The following DLGAP2 variants were observed in gnomAD, a reference collection of about 807,000 sequenced individuals.
DLGAP2 encodes DLG associated protein 2.
A neutral mutation model predicts 100.3 loss-of-function variants in DLGAP2; 26 were observed. That is an observed-to-expected ratio of 0.26 (90% CI 0.19 to 0.36). The LOEUF is 0.36. DLGAP2 is among the 10% of genes least tolerant of loss of function. The pLI is 1.00. For missense variants in DLGAP2, 1,858 were observed against 1,453.2 expected, an observed-to-expected ratio of 1.28 and a Z score of -4.53; for synonymous variants, 886 against 630.1, an observed-to-expected ratio of 1.41 and a Z score of -6.08.
At chr8:1,267,736 A>T (rs1799496814) in intron 3 of DLGAP2, among the ~76,000 whole-genome samples, 1 of 151,956 alleles carries the variant, frequency 6.6e-6, no homozygotes, top group Admixed American at 6.6e-5. Context: ...ACTCTGTTGG[A>T]CTTCCTTTGC....
At chr8:1,433,500 G>A (rs972804390) in intron 3 of DLGAP2, among the ~76,000 whole-genome samples, 4 of 152,224 alleles carry the variant, frequency 2.6e-5, no homozygotes, top group African/African-American at 7.2e-5. Flanking sequence ...GTGTGCAAGT[G>A]TACAGATGGT....
chr8:1,615,075 T>G (rs775847943), intron 6 of DLGAP2, among the ~76,000 whole-genome samples: 2 of 152,150 alleles, frequency 1.3e-5, no homozygotes, highest in Non-Finnish European at 2.9e-5. Context: ...CAGGATGGAA[T>G]TTGGGGTTGC....
intron 6 of DLGAP2, among the ~76,000 whole-genome samples, chr8:1,602,781 G>A (rs574417769): frequency 5.3e-5 from 8 of 152,346 alleles, no homozygotes; most frequent in African/African-American, 7.2e-5. Flanking sequence ...CCCCAATGTC[G>A]TGGGCATGGC....
intron 2 of DLGAP2, among the ~76,000 whole-genome samples, chr8:1,188,054 A>C (rs541861618): frequency 1.1e-4 from 13 of 123,422 alleles, no homozygotes; most frequent in African/African-American, 5.1e-4. Context: ...ACGGAATCTC[A>C]CACACCCGGG....
At chr8:1,464,090 C>A (rs1297220339) in intron 3 of DLGAP2, among the ~76,000 whole-genome samples, 7 of 123,430 alleles carry the variant, frequency 5.7e-5, no homozygotes, top group Non-Finnish European at 6.9e-5. Flanking sequence ...GAGCTTCCTT[C>A]CAGCTGAGCT....
At chr8:1,666,118 G>C (rs536877721) in intron 8 of DLGAP2, among the ~76,000 whole-genome samples, 1 of 152,182 alleles carries the variant, frequency 6.6e-6, no homozygotes, top group Non-Finnish European at 1.5e-5. Context: ...CGGCACTACT[G>C]GCCTTTGGGA....
chr8:1,382,912 AGT>A (rs901837791), intron 3 of DLGAP2, among the ~76,000 whole-genome samples: 1 of 152,108 alleles, frequency 6.6e-6, no homozygotes, highest in African/African-American at 2.4e-5. Context: ...ATGTATACAA[AGT>A]GTGTGTGTGC....
At position 1,670,757 on chromosome 8, in the gene DLGAP2, A is replaced by G. The variant is rs377177429; in HGVS notation, c.2202+973A>G. Among the ~76,000 whole-genome samples, 19 of 152,308 alleles carry G rather than the reference A, an allele frequency of 1.2e-4. No individual in the cohort carries two copies. In the East Asian group the frequency reaches 1.5e-3, roughly 12 times the overall value. ...TGAGCTGGCGGTCTCACAATTATCC[A>G]AAGGAAGTGAATTGAAAAGCTACAG... On this transcript the variant is annotated intron_variant, in intron 10 of 14. Transcript: ENST00000637795.
chr8:1,095,058 G>A (rs1022590444), intron 2 of DLGAP2, among the ~76,000 whole-genome samples: 11 of 151,532 alleles, frequency 7.3e-5, no homozygotes, highest in Admixed American at 2.6e-4. Flanking sequence ...CTGCACTGGC[G>A]TGGACCACCT....
In DLGAP2 at chr8:1,707,052, G is replaced by C. The variant is rs1262837060; in HGVS notation, c.*5646G>C. ...CTTAACAGATGACTTCTTTGCAGAA[G>C]AAATGTTCGTTACCTACTATCAAAC... On this transcript the variant is annotated 3_prime_UTR_variant, in exon 15 of 15. Coordinates refer to ENST00000637795, the MANE Select transcript of DLGAP2 (RefSeq NM_001346810.2). The C allele has an allele frequency of 6.6e-6, 1 of 152,644 alleles. No individual in the cohort carries two copies. The highest frequency in any genetic ancestry group is 2.4e-5 in the African/African-American group (1 of 41,466). The allele number at this position is 152,644 out of a possible 1,614,324, so 9.5% of individuals were successfully genotyped here.
At chr8:1,582,499 A>G (rs1803323690) in intron 6 of DLGAP2, among the ~76,000 whole-genome samples, 1 of 151,914 alleles carries the variant, frequency 6.6e-6, no homozygotes, top group Non-Finnish European at 1.5e-5. Context: ...AATCAAAATG[A>G]AAAAAGTCAT....
intron 2 of DLGAP2, among the ~76,000 whole-genome samples, chr8:1,118,193 T>G (rs1371197645): frequency 1.3e-5 from 2 of 152,174 alleles, no homozygotes; most frequent in East Asian, 3.9e-4. Flanking sequence ...TTCATTACAC[T>G]TTAAATAGGC....
intron 10 of DLGAP2, among the ~76,000 whole-genome samples, chr8:1,673,985 C>A (rs978312205): frequency 2.0e-5 from 3 of 152,144 alleles, no homozygotes. Context: ...CATTGTTGTC[C>A]ATGGCACCTG....
chr8:1,423,972 C>T (rs765116372), intron 3 of DLGAP2, among the ~76,000 whole-genome samples: 2 of 152,228 alleles, frequency 1.3e-5, no homozygotes, highest in African/African-American at 2.4e-5. Flanking sequence ...GATCAACTCA[C>T]ATGACTGGAA....
chr8:1,649,816 TGG>T (rs1798123686), intron 8 of DLGAP2, among the ~76,000 whole-genome samples: 1 of 152,216 alleles, frequency 6.6e-6, no homozygotes, highest in Non-Finnish European at 1.5e-5. Flanking sequence ...GGATTCATCA[TGG>T]GGAATATTTG....
chr8:1,555,900 A>C (rs896325116), intron 5 of DLGAP2, among the ~76,000 whole-genome samples: 5 of 152,086 alleles, frequency 3.3e-5, no homozygotes, highest in African/African-American at 1.2e-4. Context: ...TCAATCCTTC[A>C]CGCCTCCGTT....
rs117028631 is a variant in DLGAP2 at position 1,275,228 on chromosome 8, C to T, written c.106+16345C>T. ...AGGGGAGGGAAAAATCATTCCTTTA[C>T]GGTCACATGGTCCAGATCCCTCAGT... On this transcript the variant is annotated intron_variant, in intron 3 of 14. Transcript: ENST00000637795. Among the ~76,000 whole-genome samples the T allele has an allele frequency of 4.8e-3, 738 of 152,186 alleles. 3 individuals carry two copies. Among genetic ancestry groups the T allele is most frequent in the South Asian group, 0.014 (69 of 4,820 alleles).
At position 1,701,447 on chromosome 8, in the gene DLGAP2, C is replaced by A; in HGVS notation, c.*41C>A. ...CCTTCCCCTCGTCGCTTCCGCTTTC[C>A]CGGACGCTTGTGCAGCGCGGCGCCG... On this transcript the variant is annotated 3_prime_UTR_variant, in exon 15 of 15. Coordinates refer to ENST00000637795, the MANE Select transcript of DLGAP2 (RefSeq NM_001346810.2). 1 of 1,540,994 alleles carries A rather than the reference C, an allele frequency of 6.5e-7. No individual in the cohort carries two copies. Among genetic ancestry groups the A allele is most frequent in the South Asian group, 1.2e-5 (1 of 83,918 alleles).
chr8:1,438,115 G>A (rs183700992), intron 3 of DLGAP2, among the ~76,000 whole-genome samples: 70 of 152,340 alleles, frequency 4.6e-4, no homozygotes, highest in African/African-American at 1.5e-3. Flanking sequence ...CCAGAAGTCA[G>A]TACTCCTGTC....
Sources: gnomAD v4.1 joint callset for allele counts (sites outside exome capture counted in the v4.1 genomes callset) on GRCh38, gnomAD v4.1.1 for gene constraint, MANE v1.5 for transcripts, NCBI Gene and HGNC (gene_info 2026-07-23, HGNC 2026-07-21) for gene names.